The following RIPOR2 variants were observed in gnomAD, a reference collection of about 807,000 sequenced individuals.
RIPOR2 encodes RHO family interacting cell polarization regulator 2.
A neutral mutation model predicts 114.5 loss-of-function variants in RIPOR2; 39 were observed. The ratio of observed to expected loss-of-function variants is 0.34; its 90% CI spans 0.26 to 0.44. The LOEUF (loss-of-function observed/expected upper bound fraction) is 0.44, where lower values mean the gene tolerates loss of function less well. RIPOR2 is among the 20% of genes least tolerant of loss of function. The pLI, the probability that RIPOR2 is intolerant of heterozygous loss-of-function variation, is 1.00. For synonymous variants in RIPOR2, 445 were observed against 484.4 expected (o/e 0.92, Z 1.07); for missense variants, 1,007 against 1,255.1 (o/e 0.80, Z 2.99).
intron 1 of RIPOR2, among the ~76,000 whole-genome samples, chr6:25,032,173 G>A (rs559786725): frequency 1.3e-5 from 2 of 150,700 alleles, no homozygotes; most frequent in African/African-American, 4.9e-5. Flanking sequence ...ATCAGCAAGC[G>A]AATCCTTTAT....
In RIPOR2 at chr6:24,825,414, T is replaced by C. The variant is rs2113664114; in HGVS notation, c.2680A>G (p.Thr894Ala). The change falls in exon 19 of 22, where the codon ACT becomes GCT. Residue 894 changes from threonine (T) to alanine (A), a missense_variant. Transcript: ENST00000643898. ...TTTTCATCTCTTAGTGATTGCAGAG[T>C]CTGAACCATGGAAACTGGAGGGTAA... ...QLARQVSMVQ[T>A]LQSLRDEKLL... is the part of the protein sequence containing the mutation. 1 of 1,551,878 alleles carries C rather than the reference T, an allele frequency of 6.4e-7. No individual in the cohort carries two copies. Among genetic ancestry groups the C allele is most frequent in the South Asian group, 1.2e-5 (1 of 84,054 alleles).
upstream of RIPOR2, among the ~76,000 whole-genome samples, chr6:24,937,167 A>G (rs1332539019): frequency 1.3e-5 from 2 of 152,228 alleles, no homozygotes; most frequent in African/African-American, 4.8e-5. Flanking sequence ...CAGTTCCCAA[A>G]GACAGTGTAC....
intron 8 of RIPOR2, among the ~76,000 whole-genome samples, chr6:24,856,903 T>TC (rs557048139): frequency 8.9e-4 from 134 of 150,842 alleles, no homozygotes; most frequent in Non-Finnish European, 1.4e-3. Flanking sequence ...AAGGTGTTTT[T>TC]CCCCCCCCTT....
chr6:24,935,920 A>G lies in RIPOR2; in HGVS notation c.-22T>C. On this transcript the variant is annotated 5_prime_UTR_variant, in exon 1 of 22. Coordinates refer to ENST00000643898, the MANE Select transcript of RIPOR2 (RefSeq NM_001286445.3). Reference sequence around the variant, plus strand: ...GCATCTTGGAGAGGACAGGCGCGAGAAGCAGCAGGCAGCAGCCCCGGCAGT... The same window carrying G: ...GCATCTTGGAGAGGACAGGCGCGAGGAGCAGCAGGCAGCAGCCCCGGCAGT... 6.5e-7 allele frequency: 1 copy of G among 1,528,464 alleles called. No homozygotes were observed. The highest frequency in any genetic ancestry group is 8.8e-7 in the Non-Finnish European group (1 of 1,140,540). The allele number at this position is 1,528,464 out of a possible 1,614,324, so 94.7% of individuals were successfully genotyped here.
chr6:24,993,496 C>A (rs549996000), intron 1 of RIPOR2, among the ~76,000 whole-genome samples: 1 of 152,358 alleles, frequency 6.6e-6, no homozygotes, highest in South Asian at 2.1e-4. Flanking sequence ...AGATGGCTCT[C>A]TTAAAGACAG....
Position 24,843,391 on chromosome 6 carries a change from G to A in RIPOR2, c.1328C>T (p.Ala443Val), listed in dbSNP as rs769729406. Residue 443 changes from alanine (A) to valine (V), a missense_variant, in exon 13 of 22, where the codon GCG becomes GTG. Transcript: ENST00000643898. The part of the protein sequence containing the change: ...STNPEITITP[A>V]EFNLSSLASQ... ...GGCCAAGCTGCTGAGGTTAAACTCC[G>A]CAGGGGTGATGGTAATTTCTGGATT... 49 of 1,613,776 alleles carry A rather than the reference G, an allele frequency of 3.0e-5. No individual in the cohort carries two copies. The highest frequency in any genetic ancestry group is 2.4e-4 in the South Asian group (22 of 91,090).
At chr6:24,972,968 A>G (rs1259484300) in intron 1 of RIPOR2, among the ~76,000 whole-genome samples, 1 of 152,166 alleles carries the variant, frequency 6.6e-6, no homozygotes, top group African/African-American at 2.4e-5. Context: ...CATGCTGGAG[A>G]TGGGCTTGCT....
At chr6:24,989,383 C>G (rs1774685910) in intron 1 of RIPOR2, among the ~76,000 whole-genome samples, 1 of 151,674 alleles carries the variant, frequency 6.6e-6, no homozygotes, top group Admixed American at 6.6e-5. Flanking sequence ...GCAACCTCCG[C>G]CTCCTGGGTT....
At chr6:24,895,249 C>T (rs1451593396) in intron 1 of RIPOR2, among the ~76,000 whole-genome samples, 1 of 152,118 alleles carries the variant, frequency 6.6e-6, no homozygotes, top group Non-Finnish European at 1.5e-5. Flanking sequence ...TGGGGTTTCA[C>T]TATGTTGGTC....
rs1780655449 is a variant in RIPOR2 at position 24,804,366 on chromosome 6, C to T, written c.*2007G>A. ...TACAAATGCCACACAACTAAAAGCA[C>T]CCCTCAACCAAACATAAAATACAGA... is the stretch of plus-strand genomic sequence containing the variant. On this transcript the variant is annotated 3_prime_UTR_variant, in exon 22 of 22. Coordinates refer to ENST00000643898, the MANE Select transcript of RIPOR2 (RefSeq NM_001286445.3). 1 of 125,572 alleles carries T rather than the reference C, an allele frequency of 8.0e-6. No homozygotes were observed. Among genetic ancestry groups the T allele is most frequent in the Non-Finnish European group, 1.6e-5 (1 of 60,972 alleles). 7.8% of individuals were successfully genotyped at this position (125,572 alleles called of 1,614,324 possible). A position where few individuals can be genotyped will look rare whatever the true frequency, so the allele number is the denominator to read the frequency against.
At chr6:24,988,511 T>G (rs1465584154) in intron 1 of RIPOR2, among the ~76,000 whole-genome samples, 1 of 152,244 alleles carries the variant, frequency 6.6e-6, no homozygotes, top group African/African-American at 2.4e-5. Context: ...TATCTTTCAG[T>G]TGAGCACACT....
chr6:25,029,537 G>A (rs1776814263), intron 1 of RIPOR2, among the ~76,000 whole-genome samples: 1 of 151,930 alleles, frequency 6.6e-6, no homozygotes, highest in Non-Finnish European at 1.5e-5. Flanking sequence ...AGAGTGAGTG[G>A]TCTGACTGAT....
intron 8 of RIPOR2, among the ~76,000 whole-genome samples, chr6:24,857,123 A>G (rs1202708320): frequency 6.6e-6 from 1 of 152,162 alleles, no homozygotes; most frequent in Non-Finnish European, 1.5e-5. Context: ...TTAAAGTTCT[A>G]TCTGCTGTGT....
At chr6:24,904,484 G>A (rs889556991) in intron 1 of RIPOR2, among the ~76,000 whole-genome samples, 5 of 152,182 alleles carry the variant, frequency 3.3e-5, no homozygotes, top group Admixed American at 1.3e-4. Flanking sequence ...GGGCCCAACT[G>A]GGTAATCCAG....
Position 24,843,322 on chromosome 6 carries a change from C to T in RIPOR2, c.1397G>A (p.Arg466Lys), listed in dbSNP as rs142328958. 1,187 of 1,613,930 alleles carry T rather than the reference C, an allele frequency of 7.4e-4. 4 individuals are homozygous for T. In the African/African-American group the frequency reaches 0.013, roughly 17 times the overall value. Residue 466 changes from arginine (R) to lysine (K), a missense_variant, in exon 13 of 22, where the codon AGG (arginine) becomes AAG (lysine). Arg to Lys is a conservative substitution (Grantham distance 26, BLOSUM62 2). Transcript: ENST00000643898. ...CTCTTGGCCTTCTCCCAGGGAGTTCCTGGAAGATGCTGAGCTGGTGTCATC... is the reference window on the plus strand; with the variant it reads ...CTCTTGGCCTTCTCCCAGGGAGTTCTTGGAAGATGCTGAGCTGGTGTCATC... ...GMDDTSSASS[R>K]NSLGEGQEPK...
intron 12 of RIPOR2, chr6:24,847,451 GAC>G: frequency 7.4e-7 from 1 of 1,354,860 alleles, no homozygotes. Context: ...CAGTGAGCAA[GAC>G]AGAGAAGATA....
chr6:24,936,859 G>A (rs942999452), upstream of RIPOR2, among the ~76,000 whole-genome samples: 1 of 152,180 alleles, frequency 6.6e-6, no homozygotes, highest in African/African-American at 2.4e-5. Flanking sequence ...GTGGCCAGAA[G>A]CTTAGAAAAT....
At chr6:24,834,046 T>C (rs77743677) in intron 15 of RIPOR2, among the ~76,000 whole-genome samples, 3,987 of 151,238 alleles carry the variant, frequency 0.026, 159 homozygotes, top group African/African-American at 0.084. Flanking sequence ...GAGTAGAAAA[T>C]AGTCATACAT....
At chr6:25,022,532 A>ATTTTTTTTTTTTTTTTTTTTTTTT (rs10564019) in intron 1 of RIPOR2, among the ~76,000 whole-genome samples, 1 of 40,950 alleles carries the variant, frequency 2.4e-5, no homozygotes, top group Non-Finnish European at 4.8e-5. Flanking sequence ...GGTACCTTCC[A>ATTTTTTTTTTTTTTTTTTTTTTTT]TTTTTTTTTT....
Sources: allele counts gnomAD v4.1 joint callset (sites outside exome capture counted in the v4.1 genomes callset), GRCh38; gene constraint gnomAD v4.1.1; transcripts MANE v1.5; gene names NCBI Gene and HGNC (gene_info 2026-07-23, HGNC 2026-07-21).